Variants in PDE4D observed in about 807,000 individuals in gnomAD.
PDE4D encodes the protein phosphodiesterase 4D, also known as 3',5'-cyclic-AMP phosphodiesterase 4D.
In PDE4D, 24 loss-of-function variants were observed where a neutral mutation model predicts 87.4. That is an observed-to-expected ratio of 0.27 (90% CI 0.20 to 0.39). The LOEUF is 0.39. Ranked by LOEUF, PDE4D falls within the 10% of genes least tolerant of loss-of-function variation. The pLI is 1.00. For synonymous variants in PDE4D, 384 were observed against 383.2 expected (o/e 1.00, Z -0.02); for missense variants, 714 against 1,041.0 (o/e 0.69, Z 4.32).
intron 1 of PDE4D, among the ~76,000 whole-genome samples, chr5:59,834,925 A>C (rs941472494): frequency 1.7e-4 from 26 of 151,930 alleles, no homozygotes; most frequent in African/African-American, 6.0e-4. Flanking sequence ...TACCATCTCA[A>C]AACTCTCTTC....
chr5:60,360,998 T>C (rs1176994757), intron 1 of PDE4D, among the ~76,000 whole-genome samples: 1 of 152,226 alleles, frequency 6.6e-6, no homozygotes, highest in Non-Finnish European at 1.5e-5. Context: ...CTATCGCCAG[T>C]GCTAAGCACT....
At chr5:59,365,952 G>T (rs915871981) in intron 1 of PDE4D, among the ~76,000 whole-genome samples, 1 of 152,120 alleles carries the variant, frequency 6.6e-6, no homozygotes, top group African/African-American at 2.4e-5. Context: ...CTGAATTAGG[G>T]ATGTCTAAAA....
chr5:60,488,223 A>C (rs1365120861), upstream of PDE4D: 2 of 152,396 alleles, frequency 1.3e-5, no homozygotes, highest in East Asian at 3.9e-4. Flanking sequence ...TAATCTACTT[A>C]TCTGGAATCA....
At chr5:59,946,007 A>G (rs1005988549) in intron 3 of PDE4D, among the ~76,000 whole-genome samples, 3 of 152,218 alleles carry the variant, frequency 2.0e-5, no homozygotes, top group African/African-American at 2.4e-5. Flanking sequence ...TGAGGCTGAC[A>G]GCCTAAAAAC....
intron 1 of PDE4D, among the ~76,000 whole-genome samples, chr5:60,228,690 C>T (rs1172924497): frequency 1.3e-5 from 2 of 151,866 alleles, no homozygotes; most frequent in Non-Finnish European, 2.9e-5. Context: ...GTACCCTGAG[C>T]TGCTGTGTAA....
At chr5:60,372,163 G>A (rs945394373) in intron 1 of PDE4D, among the ~76,000 whole-genome samples, 2 of 139,198 alleles carry the variant, frequency 1.4e-5, no homozygotes, top group South Asian at 4.5e-4. Flanking sequence ...TAGCCATCCT[G>A]ATGGATGTCA....
At chr5:59,262,546 G>A (rs1309738418) in intron 1 of PDE4D, among the ~76,000 whole-genome samples, 1 of 151,778 alleles carries the variant, frequency 6.6e-6, no homozygotes, top group African/African-American at 2.4e-5. Context: ...ATACAAGAAG[G>A]TAAGCCAACC....
At chr5:59,825,181 T>C (rs1423715987) in intron 1 of PDE4D, among the ~76,000 whole-genome samples, 4 of 152,186 alleles carry the variant, frequency 2.6e-5, no homozygotes, top group Admixed American at 6.6e-5. Flanking sequence ...TCACATGTGA[T>C]ACATTGGAGA....
In PDE4D at chr5:59,559,907, A is replaced by T. The variant is rs191176267; in HGVS notation, c.455+333261T>A. Among the ~76,000 whole-genome samples, 9 of 152,322 alleles carry T rather than the reference A, an allele frequency of 5.9e-5. No homozygotes were observed. The East Asian group carries it at 1.7e-3, about 29-fold the overall frequency. On this transcript the variant is annotated intron_variant, in intron 1 of 14. Coordinates refer to ENST00000340635, the MANE Select transcript of PDE4D (RefSeq NM_001104631.2). Reference sequence around the variant, plus strand: ...GCACATGGAAATAATTTACATATAAATGAAGAAACATGCCACCCTTTAAAA... The same window carrying T: ...GCACATGGAAATAATTTACATATAATTGAAGAAACATGCCACCCTTTAAAA...
chr5:59,537,172 A>T lies in PDE4D; in HGVS notation c.456-321204T>A, dbSNP rs183555909. ...AAGAATTCAGAGGACCTGGACTAGG[A>T]TAAAGAGCACAGGAAAAGAAGATGA... On this transcript the variant is annotated intron_variant, in intron 1 of 14. Coordinates refer to ENST00000340635, the MANE Select transcript of PDE4D (RefSeq NM_001104631.2). Among the ~76,000 whole-genome samples, 126 of 152,350 alleles carry T rather than the reference A, an allele frequency of 8.3e-4. 1 individual carries two copies. Among genetic ancestry groups the T allele is most frequent in the Admixed American group, 2.1e-3 (32 of 15,308 alleles).
intron 1 of PDE4D, among the ~76,000 whole-genome samples, chr5:59,495,292 A>C (rs1806963755): frequency 1.3e-5 from 2 of 152,116 alleles, no homozygotes; most frequent in Non-Finnish European, 2.9e-5. Context: ...GCTCTTCAAC[A>C]AGGTTTTTTC....
At chr5:59,406,143 A>G (rs1215263959) in intron 1 of PDE4D, among the ~76,000 whole-genome samples, 2 of 152,148 alleles carry the variant, frequency 1.3e-5, no homozygotes. Context: ...TTAAGCAGTA[A>G]AGCCATCAGA....
intron 1 of PDE4D, among the ~76,000 whole-genome samples, chr5:59,619,399 A>G (rs1384166458): frequency 1.3e-5 from 2 of 152,212 alleles, no homozygotes; most frequent in Admixed American, 6.5e-5. Flanking sequence ...CTGAGAAGGC[A>G]TGGATGTGAA....
At chr5:59,720,526 G>C (rs1202370452) in intron 1 of PDE4D, among the ~76,000 whole-genome samples, 3 of 152,158 alleles carry the variant, frequency 2.0e-5, no homozygotes, top group African/African-American at 7.2e-5. Context: ...GGACCCCTCA[G>C]GTAAGGGTAA....
chr5:59,243,405 T>C (rs1461430767), intron 1 of PDE4D, among the ~76,000 whole-genome samples: 1 of 151,358 alleles, frequency 6.6e-6, no homozygotes, highest in Non-Finnish European at 1.5e-5. Context: ...ATGTTTTCCC[T>C]TTTTTAAAAA....
intron 1 of PDE4D, among the ~76,000 whole-genome samples, chr5:59,555,060 G>A (rs567151459): frequency 7.9e-5 from 12 of 152,180 alleles, no homozygotes; most frequent in African/African-American, 2.4e-4. Context: ...ACATATGTTC[G>A]TTGTAGCACT....
At chr5:59,826,611 G>A (rs770008080) in intron 1 of PDE4D, among the ~76,000 whole-genome samples, 3 of 151,950 alleles carry the variant, frequency 2.0e-5, no homozygotes, top group Non-Finnish European at 2.9e-5. Flanking sequence ...AAGTACCAAA[G>A]AGGCTATTTC....
At chr5:59,114,668 T>TG (rs961969231) in intron 5 of PDE4D, among the ~76,000 whole-genome samples, 1 of 150,436 alleles carries the variant, frequency 6.6e-6, no homozygotes, top group Non-Finnish European at 1.5e-5. Flanking sequence ...AAAGGAAGGG[T>TG]GGGGGGAAAG....
At chr5:59,455,883 T>C (rs1365454209) in intron 1 of PDE4D, among the ~76,000 whole-genome samples, 2 of 152,254 alleles carry the variant, frequency 1.3e-5, no homozygotes, top group Non-Finnish European at 2.9e-5. Context: ...TGCTGGATTT[T>C]GGACTTGCAT....
Sources: allele counts gnomAD v4.1 joint callset (sites outside exome capture counted in the v4.1 genomes callset), GRCh38; gene constraint gnomAD v4.1.1; transcripts MANE v1.5; gene names NCBI Gene and HGNC (gene_info 2026-07-23, HGNC 2026-07-21).